SYCP1: variants seen among roughly 807,000 people sequenced by gnomAD.
SYCP1 encodes synaptonemal complex protein 1, also known as cancer/testis antigen 8.
Under a neutral mutation model 153.1 loss-of-function variants are expected in SYCP1, and 64 were observed. The observed-to-expected ratio is 0.42, with a 90% confidence interval of 0.34 to 0.51. The LOEUF is 0.51. Ranked by LOEUF, SYCP1 falls within the 20% of genes least tolerant of loss-of-function variation. SYCP1 has a pLI of 0.06. For missense variants in SYCP1, 997 were observed against 1,049.0 expected (o/e 0.95, Z 0.68); for synonymous variants, 384 against 341.8 (o/e 1.12, Z -1.36).
intron 23 of SYCP1, among the ~76,000 whole-genome samples, chr1:114,941,482 T>C (rs1485424000): frequency 1.3e-5 from 2 of 152,148 alleles, no homozygotes; most frequent in Admixed American, 6.6e-5. Context: ...CTCTTATAAA[T>C]AGCATGTAGC....
In SYCP1 at chr1:114,968,213, G is replaced by T. The variant is rs1570885652; in HGVS notation, c.2323-9344G>T. Among the ~76,000 whole-genome samples the T allele has an allele frequency of 4.6e-5, 7 of 152,278 alleles. No homozygotes were observed. The South Asian group carries it at 1.5e-3, about 32-fold the overall frequency. ...GGTGTTCTCTGTATTTCCTGAATTT[G>T]AATGTTGGCCTGTCTTGCTAGATTG... is the stretch of plus-strand genomic sequence containing the variant. On this transcript the variant is annotated intron_variant, in intron 27 of 31. Coordinates refer to ENST00000369522, the MANE Select transcript of SYCP1 (RefSeq NM_003176.4).
At position 114,913,046 on chromosome 1, in the gene SYCP1, G is replaced by A. The variant is rs1668284983; in HGVS notation, c.1543G>A (p.Glu515Lys). Reference sequence around the variant, plus strand: ...TTTAAAAAATAGGCTTAAGAATACTGAATTAACTTCACACTGCAACAAGCT... The same window carrying A: ...TTTAAAAAATAGGCTTAAGAATACTAAATTAACTTCACACTGCAACAAGCT... ...ELENEKLKNT[E>K]LTSHCNKLSL... Residue 515 changes from glutamate (E) to lysine (K), a missense_variant, in exon 19 of 32, where the codon GAA becomes AAA. Physicochemically the swap from Glu to Lys is moderately conservative, Grantham distance 56 (BLOSUM62 1). Coordinates refer to ENST00000369522, the MANE Select transcript of SYCP1 (RefSeq NM_003176.4). 1.2e-6 allele frequency: 2 copies of A among 1,607,812 alleles called. No individual in the cohort carries two copies. Among genetic ancestry groups the A allele is most frequent in the Non-Finnish European group, 1.7e-6 (2 of 1,177,198 alleles).
intron 21 of SYCP1, among the ~76,000 whole-genome samples, chr1:114,925,078 G>T (rs73000569): frequency 0.015 from 2,322 of 152,108 alleles, 53 homozygotes; most frequent in African/African-American, 0.053. Context: ...CCTTCAAAAG[G>T]TTACATGACT....
intron 27 of SYCP1, among the ~76,000 whole-genome samples, chr1:114,967,811 G>A (rs1672231405): frequency 6.6e-6 from 1 of 152,164 alleles, no homozygotes; most frequent in African/African-American, 2.4e-5. Flanking sequence ...TTTTTGCAGT[G>A]GCTGGTACCA....
At chr1:114,941,541 G>C (rs1670389303) in intron 23 of SYCP1, among the ~76,000 whole-genome samples, 1 of 151,720 alleles carries the variant, frequency 6.6e-6, no homozygotes, top group Non-Finnish European at 1.5e-5. Context: ...TCTTTTACTG[G>C]TATATTTGGC....
At chr1:114,944,710 AAAACACCCCGAAAAAACCCC>A (rs1480505369) in intron 24 of SYCP1, among the ~76,000 whole-genome samples, 142 bp from the exon 25 acceptor site, 2 of 151,856 alleles carry the variant, frequency 1.3e-5, no homozygotes, top group African/African-American at 4.8e-5. Flanking sequence ...CTTACTTCAT[AAAACACCCCGAAAAAACCCC>A]AAACAGTGCA....
At chr1:114,984,097 G>A (rs1216782201) in intron 29 of SYCP1, among the ~76,000 whole-genome samples, 1 of 151,736 alleles carries the variant, frequency 6.6e-6, no homozygotes, top group Non-Finnish European at 1.5e-5. Flanking sequence ...TTTTAGAGTT[G>A]GGGTCTTGCT....
chr1:114,921,406 C>T lies in SYCP1; in HGVS notation c.1719-2043C>T, dbSNP rs191667940. Among the ~76,000 whole-genome samples, 296 of 151,988 alleles carry T rather than the reference C, an allele frequency of 1.9e-3. 1 individual carries two copies. The highest frequency in any genetic ancestry group is 3.0e-3 in the Non-Finnish European group (205 of 67,954). The stretch of plus-strand genomic sequence containing the variant: ...CCTACTTAAGATACGAGGCCAGGTA[C>T]GGTGGCTCACTCCTGTAATCCCAGC... On this transcript the variant is annotated intron_variant, in intron 20 of 31. Coordinates refer to ENST00000369522, the MANE Select transcript of SYCP1 (RefSeq NM_003176.4).
chr1:114,977,238 C>T (rs1201480704), intron 27 of SYCP1, among the ~76,000 whole-genome samples: 1 of 151,622 alleles, frequency 6.6e-6, no homozygotes. Flanking sequence ...GTTACTTGTG[C>T]GTATCTCTCA....
Position 114,931,904 on chromosome 1 carries a change from G to A in SYCP1, c.1926+5341G>A, listed in dbSNP as rs139720318. 2.0e-5 allele frequency among the ~76,000 whole-genome samples: 3 copies of A among 152,138 alleles called. No homozygotes were observed. The East Asian group carries it at 5.8e-4, about 29-fold the overall frequency. On this transcript the variant is annotated intron_variant, in intron 23 of 31. Coordinates refer to ENST00000369522, the MANE Select transcript of SYCP1 (RefSeq NM_003176.4). Reference sequence around the variant, plus strand: ...GAATCTAATAGAAAGTTTAGAAATAGACTAAATGTACAGACTGTTAATTTT... The same window carrying A: ...GAATCTAATAGAAAGTTTAGAAATAAACTAAATGTACAGACTGTTAATTTT...
chr1:114,959,601 T>C lies in SYCP1; in HGVS notation c.2322+12281T>C, dbSNP rs558140241. Among the ~76,000 whole-genome samples the C allele has an allele frequency of 2.6e-4, 40 of 152,314 alleles. No individual in the cohort carries two copies. The East Asian group carries it at 7.5e-3, about 29-fold the overall frequency. On this transcript the variant is annotated intron_variant, in intron 27 of 31. Coordinates refer to ENST00000369522, the MANE Select transcript of SYCP1 (RefSeq NM_003176.4). ...ACAAACAATCCAATTATACTTTTAG[T>C]TATTTTAAAATGTCCACTTAAATTA...
At chr1:114,957,416 G>A (rs181188614) in intron 27 of SYCP1, among the ~76,000 whole-genome samples, 23 of 152,228 alleles carry the variant, frequency 1.5e-4, no homozygotes, top group Middle Eastern at 3.4e-3. Context: ...AAAAAGCATA[G>A]GCAATGAAAG....
Position 114,879,682 on chromosome 1 carries a change from G to GA in SYCP1, c.910+1486dup, listed in dbSNP as rs572364263. ...AATATTTAATCTTATCATATAAACT[G>GA]AAAAAATTAATAAATAACTGTAATT... On this transcript the variant is annotated intron_variant, in intron 12 of 31. Transcript: ENST00000369522. Among the ~76,000 whole-genome samples, 132 of 152,216 alleles carry GA rather than the reference G, an allele frequency of 8.7e-4. 5 individuals are homozygous for GA. In the South Asian group the frequency reaches 0.017, roughly 20 times the overall value.
At chr1:114,926,256 A>G (rs574897658) in intron 21 of SYCP1, 22 bp from the exon 22 acceptor site, 2 of 1,474,184 alleles carry the variant, frequency 1.4e-6, no homozygotes, top group Non-Finnish European at 1.8e-6. Flanking sequence ...TAAAATAGCT[A>G]TAATTTCTCA....
At chr1:114,985,689 G>C (rs1276215564) in intron 30 of SYCP1, among the ~76,000 whole-genome samples, 1 of 151,712 alleles carries the variant, frequency 6.6e-6, no homozygotes, top group Non-Finnish European at 1.5e-5. Flanking sequence ...AAATATTGAA[G>C]TTAACATATA....
At chr1:114,964,135 C>CT (rs889710764) in intron 27 of SYCP1, among the ~76,000 whole-genome samples, 3 of 151,988 alleles carry the variant, frequency 2.0e-5, no homozygotes, top group African/African-American at 7.2e-5. Flanking sequence ...TGATGATGAG[C>CT]TTTTTTTTCA....
chr1:114,912,468 A>G (rs1458086537), intron 18 of SYCP1, among the ~76,000 whole-genome samples: 1 of 151,978 alleles, frequency 6.6e-6, no homozygotes, highest in Non-Finnish European at 1.5e-5. Flanking sequence ...ATTGGATGTA[A>G]GCAATACAGC....
chr1:114,900,699 A>G (rs1376648300), intron 16 of SYCP1, among the ~76,000 whole-genome samples: 1 of 152,198 alleles, frequency 6.6e-6, no homozygotes, highest in Non-Finnish European at 1.5e-5. Context: ...TTTAACTTCA[A>G]TGTAAAATCT....
chr1:114,986,821 G>A (rs762831000), intron 30 of SYCP1, among the ~76,000 whole-genome samples: 1 of 151,952 alleles, frequency 6.6e-6, no homozygotes, highest in Non-Finnish European at 1.5e-5. Flanking sequence ...AGTCTTATTT[G>A]AATGTTTATA....
Sources: allele counts gnomAD v4.1 joint callset (sites outside exome capture counted in the v4.1 genomes callset), GRCh38; gene constraint gnomAD v4.1.1; transcripts MANE v1.5; gene names NCBI Gene and HGNC (gene_info 2026-07-23, HGNC 2026-07-21).